CAMK4: variants seen among roughly 807,000 people sequenced by gnomAD.
CAMK4 encodes calcium/calmodulin dependent protein kinase IV.
Under a neutral mutation model 44.9 loss-of-function variants are expected in CAMK4, and 22 were observed. The observed-to-expected ratio is 0.49, with a 90% CI of 0.35 to 0.70. The LOEUF (loss-of-function observed/expected upper bound fraction) is 0.70. Ranked by LOEUF, CAMK4 falls within the 30% of genes least tolerant of loss-of-function variation. The pLI, the probability that CAMK4 is intolerant of heterozygous loss-of-function variation, is 0.01. For synonymous variants in CAMK4, 218 were observed against 215.4 expected, an observed-to-expected ratio of 1.01 and a Z score of -0.11; for missense variants, 498 against 586.8, an observed-to-expected ratio of 0.85 and a Z score of 1.56.
At chr5:111,338,093 A>G (rs1749483740) in intron 1 of CAMK4, among the ~76,000 whole-genome samples, 2 of 151,250 alleles carry the variant, frequency 1.3e-5, no homozygotes, top group South Asian at 4.2e-4. Context: ...GGTGAAGTAT[A>G]TGGTCAAATC....
intron 4 of CAMK4, among the ~76,000 whole-genome samples, chr5:111,379,052 T>C (rs1307909529): frequency 1.3e-5 from 2 of 152,168 alleles, no homozygotes; most frequent in Non-Finnish European, 2.9e-5. Context: ...CAGTTTATAG[T>C]CAGATGCTGC....
At chr5:111,382,529 A>T (rs1277471473) in intron 4 of CAMK4, among the ~76,000 whole-genome samples, 2 of 152,226 alleles carry the variant, frequency 1.3e-5, no homozygotes, top group East Asian at 3.8e-4. Flanking sequence ...AAGGATAATT[A>T]GTGAATATAA....
chr5:111,399,229 C>G (rs570948361), intron 5 of CAMK4, among the ~76,000 whole-genome samples: 49 of 152,272 alleles, frequency 3.2e-4, no homozygotes, highest in African/African-American at 1.2e-3. Flanking sequence ...TCAGTTAATT[C>G]CCATCTCAGA....
intron 1 of CAMK4, among the ~76,000 whole-genome samples, chr5:111,294,260 G>C (rs958025964): frequency 1.3e-5 from 2 of 152,066 alleles, no homozygotes; most frequent in African/African-American, 4.8e-5. Context: ...ATTGAGTCAT[G>C]GGCTTATAAA....
In CAMK4 at chr5:111,484,775, A is replaced by C. The variant is rs142197522; in HGVS notation, c.*309A>C. 3 of 220,482 alleles carry C rather than the reference A, an allele frequency of 1.4e-5. No homozygotes were observed. In the East Asian group the frequency reaches 2.9e-4, roughly 21 times the overall value. 13.7% of individuals were successfully genotyped at this position (220,482 alleles called of 1,614,324 possible). The stretch of plus-strand genomic sequence containing the variant: ...CACATATTTGAAGTGAATAGTAGCA[A>C]ATTGTTTTTGCTTTGAAAATCTAGC... On this transcript the variant is annotated 3_prime_UTR_variant, in exon 11 of 11. Transcript: ENST00000282356. The surrounding 1 kb of genome is among the most constrained non-coding windows in gnomAD (Gnocchi z 5.3).
chr5:111,285,410 C>T (rs1751201222), intron 1 of CAMK4, among the ~76,000 whole-genome samples: 1 of 152,176 alleles, frequency 6.6e-6, no homozygotes, highest in Non-Finnish European at 1.5e-5. Context: ...TGGTACTTTA[C>T]TAACTTAGTT....
rs1462844865 is a variant in CAMK4, at chr5:111,491,518, C to T, written c.*7052C>T. ...AAAATTTTGTTTTATGTTGCAGATG[C>T]TCTCACAACAATAATTGTGCTGGAG... On this transcript the variant is annotated 3_prime_UTR_variant, in exon 11 of 11. Transcript: ENST00000282356. 1 of 151,754 alleles carries T rather than the reference C, an allele frequency of 6.6e-6. No individual in the cohort carries two copies. Among genetic ancestry groups the T allele is most frequent in the Non-Finnish European group, 1.5e-5 (1 of 67,990 alleles). 9.4% of individuals were successfully genotyped at this position (151,754 alleles called of 1,614,324 possible). A position where few individuals can be genotyped will look rare whatever the true frequency, so the allele number is the denominator to read the frequency against.
intron 5 of CAMK4, among the ~76,000 whole-genome samples, chr5:111,433,358 A>T (rs2112944320): frequency 6.6e-6 from 1 of 152,316 alleles, no homozygotes; most frequent in South Asian, 2.1e-4. Flanking sequence ...TTGGAGCACA[A>T]GCACTACACT....
intron 1 of CAMK4, among the ~76,000 whole-genome samples, chr5:111,240,615 T>C (rs2112517076): frequency 6.6e-6 from 1 of 152,178 alleles, no homozygotes; most frequent in African/African-American, 2.4e-5. Context: ...AATGAGATAC[T>C]CATAACTAAG....
At chr5:111,344,538 GTATT>G (rs1486703356) in intron 2 of CAMK4, among the ~76,000 whole-genome samples, 2 of 151,726 alleles carry the variant, frequency 1.3e-5, no homozygotes, top group African/African-American at 4.8e-5. Flanking sequence ...AAGCACAAAT[GTATT>G]TGTTAAAGGA....
At chr5:111,299,432 C>A (rs569031003) in intron 1 of CAMK4, among the ~76,000 whole-genome samples, 1 of 152,184 alleles carries the variant, frequency 6.6e-6, no homozygotes, top group Non-Finnish European at 1.5e-5. Flanking sequence ...TCACCACCCC[C>A]GCTTGGACCT....
chr5:111,441,918 CA>C (rs1273488581), intron 5 of CAMK4, among the ~76,000 whole-genome samples: 1 of 152,190 alleles, frequency 6.6e-6, no homozygotes, highest in Non-Finnish European at 1.5e-5. Context: ...CAATCTTTAG[CA>C]GCATGTTTTA....
At chr5:111,246,437 A>G (rs1385641776) in intron 1 of CAMK4, among the ~76,000 whole-genome samples, 3 of 152,176 alleles carry the variant, frequency 2.0e-5, no homozygotes, top group Non-Finnish European at 4.4e-5. Flanking sequence ...ATCTTAACCA[A>G]TGGAATAGAT....
chr5:111,381,001 A>T (rs900098823), intron 4 of CAMK4, among the ~76,000 whole-genome samples: 3 of 152,080 alleles, frequency 2.0e-5, no homozygotes, highest in Non-Finnish European at 4.4e-5. Context: ...TACTTGGCAG[A>T]CCCTCAATGT....
intron 3 of CAMK4, among the ~76,000 whole-genome samples, chr5:111,376,154 T>G (rs1184477466): frequency 1.3e-5 from 2 of 152,100 alleles, no homozygotes; most frequent in South Asian, 4.2e-4. Flanking sequence ...TCTCCCACAC[T>G]CCATCACCAC....
intron 1 of CAMK4, among the ~76,000 whole-genome samples, chr5:111,241,110 T>C (rs1051209263): frequency 6.6e-6 from 1 of 151,978 alleles, no homozygotes; most frequent in African/African-American, 2.4e-5. Flanking sequence ...TTTATTTGAA[T>C]AATAATAATT....
intron 1 of CAMK4, among the ~76,000 whole-genome samples, chr5:111,327,953 C>T (rs12189176): frequency 0.9 from 87,604 of 97,834 alleles, 41,152 homozygotes; most frequent in East Asian, 1. Context: ...TCTCCCATGT[C>T]GTAGGTTGCC....
intron 5 of CAMK4, among the ~76,000 whole-genome samples, chr5:111,417,227 A>AC (rs534192198): frequency 7.0e-6 from 1 of 143,640 alleles, no homozygotes; most frequent in African/African-American, 2.6e-5. Flanking sequence ...CACCCAGCTA[A>AC]TTTTTTTTTT....
chr5:111,464,708 G>A (rs186045278), intron 7 of CAMK4, among the ~76,000 whole-genome samples: 111 of 152,276 alleles, frequency 7.3e-4, no homozygotes, highest in African/African-American at 2.6e-3. Flanking sequence ...AGGACAGTGG[G>A]GACAATCTCT....
Sources: gnomAD v4.1 joint callset for allele counts (sites outside exome capture counted in the v4.1 genomes callset) on GRCh38, gnomAD v4.1.1 for gene constraint, Gnocchi (gnomAD v3.1) non-coding constraint, MANE v1.5 for transcripts, NCBI Gene and HGNC (gene_info 2026-07-23, HGNC 2026-07-21) for gene names.